The following PRSS23 variants were observed in gnomAD, a reference collection of about 807,000 sequenced individuals.
PRSS23 encodes the protein protease, serine 23.
In PRSS23, 25 loss-of-function variants were observed where a neutral mutation model predicts 34.7. That is an observed-to-expected ratio of 0.72 (90% CI 0.53 to 1.01). The LOEUF (loss-of-function observed/expected upper bound fraction) is 1.01. PRSS23 is among the 50% of genes least tolerant of loss of function. The pLI, the probability that PRSS23 is intolerant of heterozygous loss-of-function variation, is 0.00. For missense variants in PRSS23, 445 were observed against 475.6 expected, an observed-to-expected ratio of 0.94 and a Z score of 0.60; for synonymous variants, 176 against 186.6, an observed-to-expected ratio of 0.94 and a Z score of 0.46.
At chr11:86,864,461 C>T (rs576005886) in intron 2 of PRSS23, among the ~76,000 whole-genome samples, 1 of 152,310 alleles carries the variant, frequency 6.6e-6, no homozygotes, top group Admixed American at 6.5e-5. Context: ...AGAAGCATGG[C>T]CAGTGGTGGC....
At chr11:86,846,628 C>G (rs1034012449) in intron 2 of PRSS23, among the ~76,000 whole-genome samples, 2 of 152,192 alleles carry the variant, frequency 1.3e-5, no homozygotes, top group Non-Finnish European at 2.9e-5. Flanking sequence ...GAGCATGAGA[C>G]AGCCACATCT....
intron 2 of PRSS23, among the ~76,000 whole-genome samples, chr11:86,899,704 G>C (rs1948898605): frequency 6.6e-6 from 1 of 151,990 alleles, no homozygotes; most frequent in South Asian, 2.1e-4. Context: ...TTTCAGTAGA[G>C]ACAGGGTTTC....
At chr11:86,826,255 G>A (rs1252709007) in intron 2 of PRSS23, among the ~76,000 whole-genome samples, 2 of 149,680 alleles carry the variant, frequency 1.3e-5, no homozygotes, top group African/African-American at 2.6e-5. Context: ...GTGAATGGGA[G>A]TTCACTCATG....
At chr11:86,913,127 C>G (rs2134995260) in intron 2 of PRSS23, among the ~76,000 whole-genome samples, 1 of 152,030 alleles carries the variant, frequency 6.6e-6, no homozygotes, top group Non-Finnish European at 1.5e-5. Context: ...ATTGTTTTAT[C>G]CTTTCTTGGA....
At chr11:86,952,575 T>C in exon 3 of PRSS23, 1 of 1,319,746 alleles carries the variant, frequency 7.6e-7, no homozygotes, top group South Asian at 1.2e-5. Context: ...AATCTAGGTA[T>C]CTACTTTTAA....
exon 3 of PRSS23, chr11:86,951,888 G>A (rs780793516): frequency 1.9e-6 from 3 of 1,613,644 alleles, no homozygotes; most frequent in Non-Finnish European, 2.5e-6. Context: ...ATGAGAACAG[G>A]TTCTGCTGCC....
intron 2 of PRSS23, among the ~76,000 whole-genome samples, chr11:86,852,664 T>A (rs1261078552): frequency 6.6e-6 from 1 of 152,214 alleles, no homozygotes; most frequent in Non-Finnish European, 1.5e-5. Flanking sequence ...TACATTCACA[T>A]TGTTTAGCAA....
intron 2 of PRSS23, among the ~76,000 whole-genome samples, chr11:86,939,425 T>TTTTTTTTTTTAAAAA (rs1949189915): frequency 9.8e-6 from 1 of 102,178 alleles, no homozygotes; most frequent in Non-Finnish European, 2.1e-5. Flanking sequence ...TATATATATA[T>TTTTTTTTTTTAAAAA]ATTTTTTAAC....
At chr11:86,932,811 G>C (rs1949135208) in intron 2 of PRSS23, 1 of 152,200 alleles carries the variant, frequency 6.6e-6, no homozygotes, top group Admixed American at 6.5e-5. Context: ...ACTCTCTTCT[G>C]AGCTGCAGTG....
At chr11:86,951,323 A>C in exon 3 of PRSS23, 1 of 1,614,086 alleles carries the variant, frequency 6.2e-7, no homozygotes, top group Non-Finnish European at 8.5e-7. Flanking sequence ...AATTTTCAAC[A>C]TTTCAACAGC....
chr11:86,810,295 A>G lies in PRSS23; in HGVS notation c.*1500A>G, dbSNP rs987732698. 3 of 166,662 alleles carry G rather than the reference A, an allele frequency of 1.8e-5. No homozygotes were observed. The highest frequency in any genetic ancestry group is 4.8e-5 in the African/African-American group (2 of 41,580). The allele number at this position is 166,662 out of a possible 1,614,324, so 10.3% of individuals were successfully genotyped here. A position where few individuals can be genotyped will look rare whatever the true frequency, so the allele number is the denominator to read the frequency against. ...ACCCCAGGTAAACCTGCATTGTAGC[A>G]ATTTGTAAGGATATTCAGATGGAGC... On this transcript the variant is annotated 3_prime_UTR_variant, in exon 2 of 2. Transcript: ENST00000280258.
intron 2 of PRSS23, among the ~76,000 whole-genome samples, chr11:86,844,485 T>C (rs1023004452): frequency 1.3e-5 from 2 of 152,170 alleles, no homozygotes; most frequent in Non-Finnish European, 2.9e-5. Context: ...CAGCTGTCAA[T>C]GATTAAACAA....
chr11:86,952,397 A>T lies in PRSS23; in HGVS notation c.*1112A>T, dbSNP rs748190939. The T allele has an allele frequency of 1.9e-6, 3 of 1,614,172 alleles. No homozygotes were observed. In the Admixed American group the frequency reaches 5.0e-5, roughly 27 times the overall value. Reference sequence around the variant, plus strand: ...ACAGCGTCTCTTGACTGAAAGACACATGCCGCCGCATGGGCCAATGGGGAT... The same window carrying T: ...ACAGCGTCTCTTGACTGAAAGACACTTGCCGCCGCATGGGCCAATGGGGAT... On this transcript the variant is annotated 3_prime_UTR_variant, in exon 3 of 3. Transcript: ENST00000533902.
intron 2 of PRSS23, among the ~76,000 whole-genome samples, chr11:86,833,790 C>T (rs1017308827): frequency 1.3e-5 from 2 of 152,146 alleles, no homozygotes; most frequent in Non-Finnish European, 2.9e-5. Flanking sequence ...CTAGGAAATC[C>T]AGCTAGTCCT....
At chr11:86,826,870 T>G (rs1032350420) in intron 2 of PRSS23, among the ~76,000 whole-genome samples, 5 of 152,236 alleles carry the variant, frequency 3.3e-5, no homozygotes, top group Non-Finnish European at 7.3e-5. Context: ...ATAAGCTTTT[T>G]GATGTGCTGC....
chr11:86,832,902 G>A (rs1366823441), intron 2 of PRSS23: 9 of 341,648 alleles, frequency 2.6e-5, no homozygotes, highest in African/African-American at 1.3e-4. Flanking sequence ...GCAAGGTGTG[G>A]GAGTTGAGAA....
chr11:86,917,468 T>G (rs527903586), intron 2 of PRSS23, among the ~76,000 whole-genome samples: 7 of 152,356 alleles, frequency 4.6e-5, no homozygotes, highest in Non-Finnish European at 1.0e-4. Flanking sequence ...AATCACTGAT[T>G]TTCAGTTTCC....
rs142169576 is a variant in PRSS23 at position 86,829,991 on chromosome 11, G to A, written c.206+6398G>A. ...TGCCCGTCCTCAGATCTCCAGCTGC[G>A]TGCTGGGAGAACCACTGCTCTCTTC... On this transcript the variant is annotated intron_variant, in intron 2 of 2. Transcript: ENST00000533902. 3.9e-3 allele frequency among the ~76,000 whole-genome samples: 590 copies of A among 152,148 alleles called. 5 individuals are homozygous for A. The highest frequency in any genetic ancestry group is 0.013 in the African/African-American group (520 of 41,470).
At chr11:86,906,545 G>A (rs553697942) in intron 2 of PRSS23, among the ~76,000 whole-genome samples, 6 of 152,218 alleles carry the variant, frequency 3.9e-5, no homozygotes, top group Non-Finnish European at 5.9e-5. Context: ...AACTCCGGAA[G>A]ATTTCAAGGA....
Sources: allele counts gnomAD v4.1 joint callset (sites outside exome capture counted in the v4.1 genomes callset), GRCh38; gene constraint gnomAD v4.1.1; transcripts MANE v1.5; gene names NCBI Gene and HGNC (gene_info 2026-07-23, HGNC 2026-07-21).